The following GRM5 variants were observed in gnomAD, a reference collection of about 807,000 sequenced individuals.
GRM5 encodes the protein metabotropic glutamate receptor 5.
A neutral mutation model predicts 83.1 loss-of-function variants in GRM5; 19 were observed. The observed-to-expected ratio is 0.23, with a 90% confidence interval of 0.16 to 0.34. The LOEUF (loss-of-function observed/expected upper bound fraction) is 0.34, where lower values mean the gene tolerates loss of function less well. Ranked by LOEUF, GRM5 falls within the 10% of genes least tolerant of loss-of-function variation. GRM5 has a pLI of 1.00. For missense variants in GRM5, 1,160 were observed against 1,588.3 expected (o/e 0.73, Z 4.58); for synonymous variants, 675 against 633.6 (o/e 1.07, Z -0.98).
chr11:88,773,657 G>T (rs551176729), intron 3 of GRM5, among the ~76,000 whole-genome samples: 1 of 152,234 alleles, frequency 6.6e-6, no homozygotes, highest in East Asian at 1.9e-4. Flanking sequence ...TCCAGTTTCA[G>T]CTTTCTACAT....
intron 2 of GRM5, among the ~76,000 whole-genome samples, chr11:88,864,020 C>T (rs1508699): frequency 0.44 from 65,916 of 149,326 alleles, 14,779 homozygotes; most frequent in East Asian, 0.57. Context: ...ATGGAAAATA[C>T]TGTCATTTCT....
intron 4 of GRM5, among the ~76,000 whole-genome samples, chr11:88,630,170 A>G (rs576388752): frequency 1.3e-5 from 2 of 152,136 alleles, no homozygotes; most frequent in African/African-American, 4.8e-5. Flanking sequence ...TCTAAATCCT[A>G]TCTCCCTGAT....
chr11:88,542,147 C>T (rs145361289), intron 8 of GRM5, among the ~76,000 whole-genome samples: 2 of 152,200 alleles, frequency 1.3e-5, no homozygotes, highest in African/African-American at 4.8e-5. Context: ...AGGGTGAGAG[C>T]AGACTAATAC....
intron 3 of GRM5, among the ~76,000 whole-genome samples, chr11:88,703,040 T>C (rs891756528): frequency 6.6e-6 from 1 of 151,972 alleles, no homozygotes; most frequent in Non-Finnish European, 1.5e-5. Flanking sequence ...TTGGGGGATA[T>C]AATATCTTGT....
Position 88,757,154 on chromosome 11 carries a change from G to GA in GRM5, c.911+92751_911+92752insT, listed in dbSNP as rs1404605235. 7.0e-4 allele frequency among the ~76,000 whole-genome samples: 106 copies of GA among 151,096 alleles called. 1 individual carries two copies. Among genetic ancestry groups the GA allele is most frequent in the African/African-American group, 2.2e-3 (92 of 41,178 alleles). ...AAAATATACATTCAAAGCAGTCAAA[G>GA]GAAAAAAAACCGATCTGTCAAATGA... On this transcript the variant is annotated intron_variant, in intron 3 of 9. Transcript: ENST00000305447.
At chr11:88,937,210 C>T (rs987186239) in intron 2 of GRM5, among the ~76,000 whole-genome samples, 2 of 151,662 alleles carry the variant, frequency 1.3e-5, no homozygotes, top group African/African-American at 4.8e-5. Flanking sequence ...GAAATGTTCT[C>T]ATCATTTCTT....
At chr11:88,978,883 C>T (rs567268029) in intron 2 of GRM5, among the ~76,000 whole-genome samples, 12 of 152,124 alleles carry the variant, frequency 7.9e-5, no homozygotes, top group African/African-American at 2.9e-4. Flanking sequence ...GTGGAAGAGC[C>T]GAGATTGAAC....
At chr11:88,583,115 C>T (rs3913282) in intron 7 of GRM5, among the ~76,000 whole-genome samples, 71,080 of 140,102 alleles carry the variant, frequency 0.51, 19,218 homozygotes, top group African/African-American at 0.77. Flanking sequence ...TATTAAAAGG[C>T]AAAAAAAAAA....
intron 2 of GRM5, among the ~76,000 whole-genome samples, chr11:88,975,283 C>A (rs539730057): frequency 6.6e-6 from 1 of 152,172 alleles, no homozygotes; most frequent in African/African-American, 2.4e-5. Flanking sequence ...GAGAAACAAT[C>A]TGGTATAGAG....
At chr11:88,987,201 T>C (rs1023386234) in intron 2 of GRM5, among the ~76,000 whole-genome samples, 2 of 151,910 alleles carry the variant, frequency 1.3e-5, no homozygotes, top group African/African-American at 4.8e-5. Context: ...ACTCGGGAAG[T>C]GCAAGGGGTC....
chr11:88,653,266 T>C lies in GRM5; in HGVS notation c.1049A>G (p.His350Arg), dbSNP rs932553680. Residue 350 changes from histidine (H) to arginine (R), a missense_variant, in exon 4 of 10, where the codon CAC becomes CGC. His to Arg is a conservative substitution (Grantham distance 29). Around this residue, in one of 9 missense-constraint regions of GRM5, gnomAD observed 132 missense variants for 197.6 expected, o/e 0.67. Coordinates refer to ENST00000305447, the MANE Select transcript of GRM5 (RefSeq NM_001143831.3). ...AAATTCTTGAAACCAAGGGTTTCGGTGGTTTGTTTCTGGCCGGAGCTTCAG... is the reference window on the plus strand; with the variant it reads ...AAATTCTTGAAACCAAGGGTTTCGGCGGTTTGTTTCTGGCCGGAGCTTCAG... ...YYLKLRPETN[H>R]RNPWFQEFWQ... 1 of 1,613,328 alleles carries C rather than the reference T, an allele frequency of 6.2e-7. No individual in the cohort carries two copies. Among genetic ancestry groups the C allele is most frequent in the Non-Finnish European group, 8.5e-7 (1 of 1,179,498 alleles).
At chr11:88,696,283 C>T (rs577078514) in intron 3 of GRM5, among the ~76,000 whole-genome samples, 1 of 152,162 alleles carries the variant, frequency 6.6e-6, no homozygotes, top group Admixed American at 6.5e-5. Flanking sequence ...TCTCCATGTC[C>T]AACTGCTTGT....
chr11:88,574,621 G>T lies in GRM5; in HGVS notation c.1691-6629C>A, dbSNP rs539194966. Among the ~76,000 whole-genome samples the T allele has an allele frequency of 2.6e-5, 4 of 152,186 alleles. No homozygotes were observed. The East Asian group carries it at 7.7e-4, about 29-fold the overall frequency. ...ATCTCTACTAAAAATACAGAAATTA[G>T]CCAGGCATGGTGGCAGGCACCTGTA... On this transcript the variant is annotated intron_variant, in intron 7 of 9. Transcript: ENST00000305447.
In GRM5 at chr11:88,607,827, A is replaced by G. The variant is rs114547889; in HGVS notation, c.1148-2863T>C. Among the ~76,000 whole-genome samples the G allele has an allele frequency of 3.7e-3, 569 of 152,308 alleles. 1 individual carries two copies. Among genetic ancestry groups the G allele is most frequent in the African/African-American group, 0.013 (525 of 41,552 alleles). ...CTGCCCACAAGATTTGTGCAGGACA[A>G]TTCTCCAGATGGCCTTGGACTGACC... On this transcript the variant is annotated intron_variant, in intron 4 of 9. Transcript: ENST00000305447.
intron 2 of GRM5, among the ~76,000 whole-genome samples, chr11:88,875,084 T>TTTG (rs1555032483): frequency 6.6e-6 from 1 of 150,656 alleles, no homozygotes; most frequent in Non-Finnish European, 1.5e-5. Context: ...AATTGACTGT[T>TTTG]TTTTTTTTTT....
intron 4 of GRM5, among the ~76,000 whole-genome samples, chr11:88,642,178 T>G (rs2135287820): frequency 6.6e-6 from 1 of 152,298 alleles, no homozygotes; most frequent in East Asian, 1.9e-4. Context: ...CCACCAAAGC[T>G]TATGACTTCC....
intron 3 of GRM5, among the ~76,000 whole-genome samples, chr11:88,707,306 G>A (rs545359850): frequency 6.6e-6 from 1 of 152,148 alleles, no homozygotes; most frequent in East Asian, 1.9e-4. Flanking sequence ...GATTTGGTAG[G>A]TTCTATATAA....
chr11:88,944,088 GA>G (rs1452324396), intron 2 of GRM5, among the ~76,000 whole-genome samples: 5 of 152,048 alleles, frequency 3.3e-5, no homozygotes, highest in African/African-American at 1.2e-4. Flanking sequence ...GCTGCATCTT[GA>G]AGGATAAGTT....
intron 5 of GRM5, among the ~76,000 whole-genome samples, chr11:88,599,655 A>T (rs1330042275): frequency 6.6e-6 from 1 of 152,240 alleles, no homozygotes; most frequent in Non-Finnish European, 1.5e-5. Flanking sequence ...GAATCAAAAG[A>T]CATAATGGCT....
Sources: allele counts gnomAD v4.1 joint callset (sites outside exome capture counted in the v4.1 genomes callset), GRCh38; gene constraint gnomAD v4.1.1; regional missense constraint gnomAD v4.1.1; transcripts MANE v1.5; gene names NCBI Gene and HGNC (gene_info 2026-07-23, HGNC 2026-07-21).